PLPP1: variants seen among roughly 807,000 people sequenced by gnomAD.
PLPP1 encodes phospholipid phosphatase 1.
In PLPP1, 24 loss-of-function variants were observed where a neutral mutation model predicts 31.2. That is an observed-to-expected ratio of 0.77 (90% CI 0.56 to 1.08). The LOEUF (loss-of-function observed/expected upper bound fraction) is 1.08, where lower values mean the gene tolerates loss of function less well. Ranked by LOEUF, PLPP1 falls within the 50% of genes least tolerant of loss-of-function variation. The pLI is 0.00. For missense variants in PLPP1, 319 were observed against 342.7 expected (o/e 0.93, Z 0.55); for synonymous variants, 146 against 126.3 (o/e 1.16, Z -1.05).
chr5:55,432,421 A>AATG (rs1751380630), intron 4 of PLPP1, among the ~76,000 whole-genome samples: 1 of 152,184 alleles, frequency 6.6e-6, no homozygotes, highest in Non-Finnish European at 1.5e-5. Flanking sequence ...GTCCCAATCC[A>AATG]GGACCAAATG....
intron 3 of PLPP1, among the ~76,000 whole-genome samples, chr5:55,455,203 A>G (rs1751978114): frequency 6.6e-6 from 1 of 152,198 alleles, no homozygotes; most frequent in African/African-American, 2.4e-5. Context: ...CTGTGCTAAA[A>G]CATACACAAT....
At chr5:55,498,951 C>G (rs1042534613) in intron 1 of PLPP1, among the ~76,000 whole-genome samples, 15 of 74,114 alleles carry the variant, frequency 2.0e-4, no homozygotes, top group South Asian at 5.6e-4. Flanking sequence ...AATATGGCTA[C>G]TGTAGAAGCA....
intron 1 of PLPP1, among the ~76,000 whole-genome samples, chr5:55,523,567 C>T (rs1247911336): frequency 6.6e-6 from 1 of 152,066 alleles, no homozygotes; most frequent in African/African-American, 2.4e-5. Flanking sequence ...AGAGAGTTGT[C>T]GAGAGACTGC....
chr5:55,454,238 A>C (rs1188892861), intron 3 of PLPP1, among the ~76,000 whole-genome samples: 1 of 152,156 alleles, frequency 6.6e-6, no homozygotes, highest in Non-Finnish European at 1.5e-5. Context: ...ACATAATATA[A>C]ACATAAAAGT....
intron 1 of PLPP1, among the ~76,000 whole-genome samples, chr5:55,518,084 C>T (rs1434989175): frequency 6.6e-6 from 1 of 152,160 alleles, no homozygotes; most frequent in African/African-American, 2.4e-5. Flanking sequence ...CCGCCTGCCT[C>T]GGCCTCCCAG....
intron 1 of PLPP1, among the ~76,000 whole-genome samples, chr5:55,493,204 A>G (rs1325338569): frequency 6.6e-6 from 1 of 151,864 alleles, no homozygotes; most frequent in Non-Finnish European, 1.5e-5. Context: ...AGTCCCAGCT[A>G]CTCAGGAGGG....
At chr5:55,457,522 CATCA>C (rs758424886) in intron 3 of PLPP1, among the ~76,000 whole-genome samples, 28 of 152,032 alleles carry the variant, frequency 1.8e-4, no homozygotes, top group Non-Finnish European at 3.7e-4. Flanking sequence ...ACAAAAATAT[CATCA>C]ATAAGAAATA....
chr5:55,459,701 T>C (rs1752109215), intron 3 of PLPP1, among the ~76,000 whole-genome samples: 1 of 152,172 alleles, frequency 6.6e-6, no homozygotes, highest in African/African-American at 2.4e-5. Context: ...CAAGGGAAAT[T>C]AGAAAGTATT....
chr5:55,432,180 AG>A (rs1751374689), intron 4 of PLPP1, among the ~76,000 whole-genome samples: 1 of 151,120 alleles, frequency 6.6e-6, no homozygotes, highest in Admixed American at 6.6e-5. Flanking sequence ...ATGGCTTCAA[AG>A]GATCTCCCAC....
rs761003943 is a variant in PLPP1 at position 55,425,225 on chromosome 5, G to A, written c.836C>T (p.Pro279Leu). 1.7e-4 allele frequency: 274 copies of A among 1,613,656 alleles called. No homozygotes were observed. The highest frequency in any genetic ancestry group is 2.1e-4 in the Non-Finnish European group (251 of 1,179,910). Reference sequence around the variant, plus strand: ...TGCCTTTCAAGGCTGGTGATTGCTCGGATAGTGATTCCCAGTTGTTGGTGT... The same window carrying A: ...TGCCTTTCAAGGCTGGTGATTGCTCAGATAGTGATTCCCAGTTGTTGGTGT... ...HETPTTGNHY[P>L]SNHQP The change falls in exon 6 of 6, where the codon CCG (proline) becomes CTG (leucine). Residue 279 changes from proline to leucine, a missense_variant. Coordinates refer to ENST00000307259, the MANE Select transcript of PLPP1 (RefSeq NM_003711.4).
chr5:55,425,431 G>T, intron 5 of PLPP1, 97 bp from the exon 6 acceptor site: 2 of 1,169,098 alleles, frequency 1.7e-6, no homozygotes, highest in Middle Eastern at 2.8e-4. Flanking sequence ...ATAAACAAAA[G>T]GATATACTTT....
intron 1 of PLPP1, among the ~76,000 whole-genome samples, chr5:55,481,232 G>A (rs1184475784): frequency 6.6e-6 from 1 of 152,140 alleles, no homozygotes; most frequent in Non-Finnish European, 1.5e-5. Flanking sequence ...TGGTGCTGGG[G>A]TATCCAGCAA....
intron 3 of PLPP1, among the ~76,000 whole-genome samples, chr5:55,464,789 A>G (rs1752250499): frequency 1.3e-5 from 2 of 152,088 alleles, no homozygotes; most frequent in South Asian, 4.1e-4. Context: ...CAGAAACTTG[A>G]CCCTCCGGTT....
chr5:55,459,632 G>A (rs966600441), intron 3 of PLPP1, among the ~76,000 whole-genome samples: 3 of 152,170 alleles, frequency 2.0e-5, no homozygotes, highest in African/African-American at 4.8e-5. Flanking sequence ...ATTAGAAATC[G>A]ATGACAGAAA....
chr5:55,483,497 C>T (rs1036367840), intron 1 of PLPP1, among the ~76,000 whole-genome samples: 6 of 151,890 alleles, frequency 4.0e-5, no homozygotes, highest in African/African-American at 1.5e-4. Flanking sequence ...TGTAGTGAAA[C>T]TCCGTCTCTA....
intron 1 of PLPP1, among the ~76,000 whole-genome samples, chr5:55,501,956 G>A (rs946890057): frequency 6.6e-6 from 1 of 152,156 alleles, no homozygotes; most frequent in African/African-American, 2.4e-5. Flanking sequence ...ACCACTTCTT[G>A]AAAAATCTTA....
chr5:55,515,372 C>G (rs1753533630), intron 1 of PLPP1, among the ~76,000 whole-genome samples: 1 of 152,194 alleles, frequency 6.6e-6, no homozygotes, highest in African/African-American at 2.4e-5. Flanking sequence ...TCCTATCCTC[C>G]TCAGAGATGA....
chr5:55,453,015 G>C (rs1011194076), intron 3 of PLPP1, among the ~76,000 whole-genome samples: 1 of 91,832 alleles, frequency 1.1e-5, no homozygotes, highest in Admixed American at 1.4e-4. Flanking sequence ...CATAGAGTAG[G>C]TATTCAATGT....
At chr5:55,491,400 A>G (rs987880345) in intron 1 of PLPP1, among the ~76,000 whole-genome samples, 4 of 152,244 alleles carry the variant, frequency 2.6e-5, no homozygotes, top group African/African-American at 9.6e-5. Flanking sequence ...AAATTGGCCC[A>G]TGGAAAAATA....
Sources: allele counts gnomAD v4.1 joint callset (sites outside exome capture counted in the v4.1 genomes callset), GRCh38; gene constraint gnomAD v4.1.1; transcripts MANE v1.5; gene names NCBI Gene and HGNC (gene_info 2026-07-23, HGNC 2026-07-21).